The following MAPDA variants were observed in gnomAD, a reference collection of about 807,000 sequenced individuals.
MAPDA encodes N6,N6-dimethyl-AMP deaminase.
At chr15:43,340,587 G>A in the MAPDA span, among the ~76,000 whole-genome samples, 2 of 152,256 alleles carry the variant, frequency 1.3e-5, no homozygotes, top group South Asian at 4.1e-4. Context: ...GTGCAGTGGT[G>A]CAAACATAGC....
At chr15:43,341,137 C>A in the MAPDA span, among the ~76,000 whole-genome samples, 1 of 152,100 alleles carries the variant, frequency 6.6e-6, no homozygotes, top group Non-Finnish European at 1.5e-5. Context: ...TGTTTATGAC[C>A]CAAAGAGACC....
chr15:43,350,954 C>G, the MAPDA span: 1 of 1,551,374 alleles, frequency 6.4e-7, no homozygotes, highest in African/African-American at 1.4e-5. Context: ...TCTGTTTGAC[C>G]TCAAACGTCA....
the MAPDA span, among the ~76,000 whole-genome samples, chr15:43,331,662 G>A: frequency 6.6e-6 from 1 of 152,240 alleles, no homozygotes; most frequent in Non-Finnish European, 1.5e-5. Flanking sequence ...TAAAGATTCG[G>A]TAATTGAAAA....
At chr15:43,335,920 A>G in the MAPDA span, 1 of 1,480,076 alleles carries the variant, frequency 6.8e-7, no homozygotes, top group Admixed American at 2.1e-5. Context: ...TTTGGTAAAC[A>G]GAAATAGGGT....
the MAPDA span, chr15:43,345,984 A>G: frequency 6.1e-5 from 99 of 1,613,684 alleles, 1 homozygote; most frequent in East Asian, 2.2e-3. Flanking sequence ...CCCTACTGTA[A>G]GTTATTTTTC....
the MAPDA span, chr15:43,342,852 A>AG: frequency 3.6e-6 from 2 of 548,776 alleles, no homozygotes; most frequent in South Asian, 5.6e-5. Flanking sequence ...TATACCCATA[A>AG]GGGCCATGTT....
chr15:43,343,037 A>G, the MAPDA span: 1 of 1,590,060 alleles, frequency 6.3e-7, no homozygotes, highest in South Asian at 1.2e-5. Context: ...TTGAAGGTAT[A>G]AAACAGTCCA....
At chr15:43,333,161 C>T in the MAPDA span, 1 of 152,250 alleles carries the variant, frequency 6.6e-6, no homozygotes, top group Non-Finnish European at 1.5e-5. Flanking sequence ...GTGGCTCGCT[C>T]CTGTAATCCC....
At chr15:43,343,682 A>G in the MAPDA span, among the ~76,000 whole-genome samples, 1 of 152,044 alleles carries the variant, frequency 6.6e-6, no homozygotes, top group African/African-American at 2.4e-5. Flanking sequence ...GTTAGTTTGT[A>G]TATATGCCCA....
chr15:43,346,939 T>A, the MAPDA span: 1 of 1,100,236 alleles, frequency 9.1e-7, no homozygotes, highest in East Asian at 2.4e-5. Flanking sequence ...CATTATGTTG[T>A]TTATTGGAAT....
the MAPDA span, among the ~76,000 whole-genome samples, chr15:43,342,074 G>C: frequency 6.6e-6 from 1 of 152,058 alleles, no homozygotes; most frequent in Non-Finnish European, 1.5e-5. Context: ...CCTGACCTCA[G>C]GTGATCGGCC....
chr15:43,330,591 G>C, the MAPDA span: 1 of 1,330,814 alleles, frequency 7.5e-7, no homozygotes, highest in Non-Finnish European at 9.9e-7. Flanking sequence ...AACCACCCAT[G>C]CTCCTGGACT....
At chr15:43,343,908 A>G in the MAPDA span, among the ~76,000 whole-genome samples, 1 of 151,640 alleles carries the variant, frequency 6.6e-6, no homozygotes, top group Non-Finnish European at 1.5e-5. Context: ...AGACAATAGA[A>G]TGCAGAGAAG....
chr15:43,330,490 G>C, the MAPDA span: 1 of 1,517,484 alleles, frequency 6.6e-7, no homozygotes, highest in Non-Finnish European at 8.8e-7. Context: ...GGGGGCCCAT[G>C]GCCAGAAGAG....
At chr15:43,342,098 G>A in the MAPDA span, among the ~76,000 whole-genome samples, 1 of 151,942 alleles carries the variant, frequency 6.6e-6, no homozygotes, top group African/African-American at 2.4e-5. Context: ...CTCGGCCTCC[G>A]AAACTGATGG....
chr15:43,336,500 A>G, the MAPDA span: 1 of 670,156 alleles, frequency 1.5e-6, no homozygotes, highest in South Asian at 2.5e-5. Context: ...TAATTTTTGA[A>G]ACATCTATTC....
the MAPDA span, chr15:43,336,753 A>G: frequency 3.9e-6 from 5 of 1,291,076 alleles, no homozygotes; most frequent in Non-Finnish European, 4.2e-6. Context: ...ATTATTGCAC[A>G]TGGCCTTTCA....
At chr15:43,341,832 G>T in the MAPDA span, among the ~76,000 whole-genome samples, 1 of 151,988 alleles carries the variant, frequency 6.6e-6, no homozygotes, top group Non-Finnish European at 1.5e-5. Flanking sequence ...GGGTGGTGGG[G>T]TTATTTTTAT....
At chr15:43,334,152 C>T in the MAPDA span, among the ~76,000 whole-genome samples, 3 of 150,954 alleles carry the variant, frequency 2.0e-5, no homozygotes, top group Non-Finnish European at 2.9e-5. Context: ...CTTTATTAAT[C>T]GTCACTGCTA....
Sources: gnomAD v4.1 joint callset for allele counts (sites outside exome capture counted in the v4.1 genomes callset) on GRCh38, gnomAD v4.1.1 for gene constraint, MANE v1.5 for transcripts, NCBI Gene and HGNC (gene_info 2026-07-23, HGNC 2026-07-21) for gene names.